KLF8: variants seen among roughly 807,000 people sequenced by gnomAD.
KLF8 encodes the protein KLF transcription factor 8.
A neutral mutation model predicts 18.2 loss-of-function variants in KLF8; 10 were observed. The ratio of observed to expected loss-of-function variants is 0.55; its 90% confidence interval spans 0.34 to 0.93. KLF8 has a LOEUF of 0.93. KLF8 is among the 40% of genes least tolerant of loss of function. KLF8 has a pLI of 0.02. For missense variants in KLF8, 264 were observed against 277.9 expected, an observed-to-expected ratio of 0.95 and a Z score of 0.36; for synonymous variants, 109 against 97.3, an observed-to-expected ratio of 1.12 and a Z score of -0.71.
chrX:55,966,969 G>T, the KLF8 span, among the ~76,000 whole-genome samples: 2 of 111,988 alleles, frequency 1.8e-5, no homozygotes, highest in Admixed American at 1.9e-4. Flanking sequence ...GTTCAAAAAT[G>T]CAGTTGACAT....
chrX:56,284,211 C>G, intron 5 of KLF8, 102 bp from the exon 6 acceptor site: 1 of 655,553 alleles, frequency 1.5e-6, no homozygotes, highest in Non-Finnish European at 2.2e-6. Flanking sequence ...ATTGCCTAGC[C>G]TTTTCACTAA....
At chrX:56,223,413 T>C in the KLF8 span, among the ~76,000 whole-genome samples, 2 of 112,322 alleles carry the variant, frequency 1.8e-5, no homozygotes, top group African/African-American at 6.5e-5. Context: ...CTTACTACAA[T>C]CTAACCTACC....
chrX:56,038,678 A>G, the KLF8 span, among the ~76,000 whole-genome samples: 10,221 of 112,135 alleles, frequency 0.091, 1,137 homozygotes, highest in African/African-American at 0.32. Flanking sequence ...CAATGAACAT[A>G]TGCATGCATG....
At chrX:55,990,345 TA>T in the KLF8 span, among the ~76,000 whole-genome samples, 6 of 112,401 alleles carry the variant, frequency 5.3e-5, no homozygotes, top group Non-Finnish European at 1.1e-4. Flanking sequence ...TTTAATGCTG[TA>T]AATTTCCCTC....
At chrX:56,218,370 G>T in the KLF8 span, among the ~76,000 whole-genome samples, 1 of 110,910 alleles carries the variant, frequency 9.0e-6, no homozygotes, top group African/African-American at 3.3e-5. Flanking sequence ...CTTGGGGTAT[G>T]ATAAAAACAG....
the KLF8 span, among the ~76,000 whole-genome samples, chrX:55,986,454 C>A: frequency 8.9e-6 from 1 of 111,756 alleles, no homozygotes; most frequent in African/African-American, 3.2e-5. Context: ...GTATGTTGAA[C>A]CAACCTTGCA....
chrX:56,150,478 C>T, the KLF8 span, among the ~76,000 whole-genome samples: 1 of 111,701 alleles, frequency 9.0e-6, no homozygotes, highest in East Asian at 2.8e-4. Flanking sequence ...TACATTAACT[C>T]CAGCACCTGG....
the KLF8 span, among the ~76,000 whole-genome samples, chrX:56,079,093 G>A: frequency 9.0e-6 from 1 of 110,924 alleles, no homozygotes; most frequent in Admixed American, 9.6e-5. Flanking sequence ...CAAAAAACCA[G>A]CTCCTGGACT....
the KLF8 span, among the ~76,000 whole-genome samples, chrX:56,096,527 G>T: frequency 9.0e-6 from 1 of 111,460 alleles, no homozygotes; most frequent in Non-Finnish European, 1.9e-5. Flanking sequence ...AAATTTGTGG[G>T]ATGCAACAAA....
the KLF8 span, among the ~76,000 whole-genome samples, chrX:56,139,123 A>C: frequency 8.0e-5 from 9 of 111,820 alleles, no homozygotes; most frequent in Non-Finnish European, 1.5e-4. Flanking sequence ...GTACAAAGAA[A>C]ATTACAAAAC....
the KLF8 span, among the ~76,000 whole-genome samples, chrX:56,059,904 C>T: frequency 1.8e-5 from 2 of 111,672 alleles, no homozygotes; most frequent in Non-Finnish European, 3.8e-5. Flanking sequence ...GCAATGGTAG[C>T]TTGATGAAGA....
chrX:56,098,572 GA>G, the KLF8 span, among the ~76,000 whole-genome samples: 2 of 110,875 alleles, frequency 1.8e-5, no homozygotes, highest in Non-Finnish European at 3.8e-5. Flanking sequence ...ACCAGGAAGA[GA>G]AAAAAAGTAC....
the KLF8 span, among the ~76,000 whole-genome samples, chrX:55,925,432 T>C: frequency 2.7e-5 from 3 of 110,403 alleles, no homozygotes; most frequent in Non-Finnish European, 3.8e-5. Context: ...ACACACTACA[T>C]ATTATACTGT....
chrX:56,089,070 C>T, the KLF8 span, among the ~76,000 whole-genome samples: 8 of 111,282 alleles, frequency 7.2e-5, no homozygotes, highest in Non-Finnish European at 1.1e-4. Context: ...GTATTACTTA[C>T]TAGTTTTATA....
At chrX:56,055,228 C>T in the KLF8 span, among the ~76,000 whole-genome samples, 1 of 111,891 alleles carries the variant, frequency 8.9e-6, no homozygotes, top group Non-Finnish European at 1.9e-5. Context: ...CTTACTTTTC[C>T]ATATTTAGTG....
chrX:56,138,917 G>T, the KLF8 span, among the ~76,000 whole-genome samples: 2 of 110,773 alleles, frequency 1.8e-5, no homozygotes, highest in Non-Finnish European at 3.8e-5. Flanking sequence ...ACCTAGAAAA[G>T]CCCATAGTCT....
chrX:56,017,721 A>T, the KLF8 span, among the ~76,000 whole-genome samples: 1 of 111,416 alleles, frequency 9.0e-6, no homozygotes, highest in Non-Finnish European at 1.9e-5. Context: ...CCTTTTATTT[A>T]GTTCTCTTTT....
the KLF8 span, among the ~76,000 whole-genome samples, chrX:55,916,063 C>T: frequency 9.0e-6 from 1 of 111,649 alleles, no homozygotes; most frequent in Admixed American, 9.5e-5. Context: ...TTCCAATTCC[C>T]AAATCACAAG....
At chrX:56,147,289 C>G in the KLF8 span, among the ~76,000 whole-genome samples, 8 of 111,507 alleles carry the variant, frequency 7.2e-5, no homozygotes, top group African/African-American at 2.6e-4. Flanking sequence ...CTCACCTGTG[C>G]TGAATGAAAT....
Sources: allele counts gnomAD v4.1 joint callset (sites outside exome capture counted in the v4.1 genomes callset), GRCh38; gene constraint gnomAD v4.1.1; transcripts MANE v1.5; gene names NCBI Gene and HGNC (gene_info 2026-07-23, HGNC 2026-07-21).